Variants in COL4A5 observed in about 807,000 individuals in gnomAD.
COL4A5 encodes collagen type IV alpha 5 chain.
COL4A5 carries 26 observed loss-of-function variants against 130.2 expected under a neutral mutation model. The observed-to-expected ratio is 0.20, with a 90% CI of 0.15 to 0.28. The LOEUF is 0.28. COL4A5 is among the 10% of genes least tolerant of loss of function. COL4A5 has a pLI of 1.00. For missense variants in COL4A5, 1,131 were observed against 1,344.3 expected (o/e 0.84, Z 2.48); for synonymous variants, 496 against 439.6 (o/e 1.13, Z -1.60).
intron 29 of COL4A5, among the ~76,000 whole-genome samples, chrX:108,607,734 G>A (rs923129081): frequency 1.8e-5 from 2 of 110,933 alleles, no homozygotes; most frequent in African/African-American, 6.6e-5. Context: ...CGCCCGCCTC[G>A]GCCTCTCAAA....
In COL4A5 at chrX:108,440,099, T is replaced by TGAAGGAGCTGCGGGAGCC. The variant is rs752443408; in HGVS notation, c.-25_-8dup. The TGAAGGAGCTGCGGGAGCC allele has an allele frequency of 1.2e-4, 145 of 1,171,627 alleles. No individual in the cohort carries two copies. In the African/African-American group the frequency reaches 2.4e-3, roughly 20 times the overall value. Reference sequence around the variant, plus strand: ...CCAGCCGGGAATTTCGTGCGGGTGCTGAAGGAGCTGCGGGAGCCGGAGAAG... The same window carrying TGAAGGAGCTGCGGGAGCC: ...CCAGCCGGGAATTTCGTGCGGGTGCTGAAGGAGCTGCGGGAGCCGAAGGAGCTGCGGGAGCCGGAGAAG... On this transcript the variant is annotated 5_prime_UTR_variant, in exon 1 of 53. Transcript: ENST00000328300.
Position 108,687,618 on chromosome X carries a change from G to A in COL4A5, c.4452G>A (p.Gln1484=). 8.3e-7 allele frequency: 1 copy of A among 1,211,646 alleles called. No homozygotes were observed. The highest frequency in any genetic ancestry group is 1.1e-6 in the Non-Finnish European group (1 of 895,447). ...SQTTDAPQCP[Q]GTLQVYEGFS... ...CAACGGATGCACCACAATGCCCACA[G>A]GGAACACTTCAGGTCTATGAAGGCT... is the stretch of plus-strand genomic sequence containing the variant. Residue 1484 remains glutamine, a synonymous_variant, in exon 49 of 53, where the codon CAG becomes CAA. Transcript: ENST00000328300.
chrX:108,531,941 A>G (rs1243777321), intron 1 of COL4A5, among the ~76,000 whole-genome samples: 1 of 111,706 alleles, frequency 9.0e-6, no homozygotes, highest in Admixed American at 9.5e-5. Flanking sequence ...TGAATCAGTA[A>G]TAAAAATTCT....
At chrX:108,469,101 T>A (rs1465773635) in intron 1 of COL4A5, among the ~76,000 whole-genome samples, 5 of 109,600 alleles carry the variant, frequency 4.6e-5, no homozygotes, top group Admixed American at 9.8e-5. Flanking sequence ...TCTAGAAATT[T>A]GCCCATTTCA....
intron 47 of COL4A5, among the ~76,000 whole-genome samples, chrX:108,685,069 ACT>A (rs780957597): frequency 6.3e-5 from 7 of 111,599 alleles, no homozygotes; most frequent in Non-Finnish European, 1.1e-4. Context: ...CATGCTAAAA[ACT>A]CTCAATAAAG....
chrX:108,539,354 G>T lies in COL4A5; in HGVS notation c.82-392G>T, dbSNP rs770512824. Reference sequence around the variant, plus strand: ...TAACCCCAAATGGCTGTTAATGTAAGAATAATTAACTTTGAAATGTATGTC... The same window carrying T: ...TAACCCCAAATGGCTGTTAATGTAATAATAATTAACTTTGAAATGTATGTC... On this transcript the variant is annotated intron_variant, in intron 1 of 52. Transcript: ENST00000328300. Among the ~76,000 whole-genome samples the T allele has an allele frequency of 4.2e-4, 47 of 111,975 alleles. No individual in the cohort carries two copies. In the South Asian group the frequency reaches 6.3e-3, roughly 15 times the overall value.
intron 44 of COL4A5, among the ~76,000 whole-genome samples, chrX:108,679,335 TC>T (rs772809916): frequency 8.9e-6 from 1 of 111,901 alleles, no homozygotes; most frequent in Non-Finnish European, 1.9e-5. Context: ...TGATGTTGTT[TC>T]AACTCTAGCA....
rs986411854 is a variant in COL4A5, at chrX:108,600,841, A to G, written c.1949-552A>G. Among the ~76,000 whole-genome samples the G allele has an allele frequency of 7.2e-5, 8 of 111,649 alleles. 1 individual carries two copies. Among genetic ancestry groups the G allele is most frequent in the Admixed American group, 4.8e-4 (5 of 10,487 alleles). On this transcript the variant is annotated intron_variant, in intron 25 of 52. Coordinates refer to ENST00000328300, the MANE Select transcript of COL4A5 (RefSeq NM_033380.3). Reference sequence around the variant, plus strand: ...CTGAGAACCTGAGTGGCTGCTTAGTACAAGTCCCAGAGTCTGAAAGCCAGA... The same window carrying G: ...CTGAGAACCTGAGTGGCTGCTTAGTGCAAGTCCCAGAGTCTGAAAGCCAGA...
intron 30 of COL4A5, among the ~76,000 whole-genome samples, chrX:108,618,078 C>T (rs1223131594): frequency 9.0e-6 from 1 of 111,198 alleles, no homozygotes; most frequent in East Asian, 2.8e-4. Context: ...TGGTTCCATT[C>T]GGCTGCCAAT....
At chrX:108,661,109 C>G (rs1221524182) in intron 37 of COL4A5, among the ~76,000 whole-genome samples, 2 of 111,968 alleles carry the variant, frequency 1.8e-5, no homozygotes, top group Non-Finnish European at 3.8e-5. Flanking sequence ...ATAGGCCATA[C>G]CATCTAAGTT....
chrX:108,550,422 T>G (rs2065734261), intron 2 of COL4A5, among the ~76,000 whole-genome samples: 1 of 111,901 alleles, frequency 8.9e-6, no homozygotes, highest in African/African-American at 3.2e-5. Context: ...AAAACAAAAT[T>G]TAGAGCATAA....
At chrX:108,677,477 G>A (rs770995308) in intron 43 of COL4A5, 23 bp from the exon 44 acceptor site, 35 of 1,199,351 alleles carry the variant, frequency 2.9e-5, no homozygotes, top group South Asian at 1.4e-4. Context: ...CTGAAATGTC[G>A]TCATTTGCTG....
intron 1 of COL4A5, among the ~76,000 whole-genome samples, chrX:108,502,245 G>T (rs1217973516): frequency 9.1e-6 from 1 of 109,539 alleles, no homozygotes. Context: ...CATCAGGTAT[G>T]CTGGAAGGTA....
At chrX:108,669,292 T>C (rs1288077501) in intron 41 of COL4A5, among the ~76,000 whole-genome samples, 1 of 112,518 alleles carries the variant, frequency 8.9e-6, no homozygotes, top group Non-Finnish European at 1.9e-5. Context: ...ATATTTCTGG[T>C]CACTGAAAAC....
chrX:108,605,847 T>C (rs757821404), intron 28 of COL4A5, among the ~76,000 whole-genome samples: 2 of 111,988 alleles, frequency 1.8e-5, no homozygotes, highest in South Asian at 7.5e-4. Context: ...CTGTCCCAAT[T>C]CCATTACAGA....
chrX:108,493,321 A>C (rs1391524855), intron 1 of COL4A5, among the ~76,000 whole-genome samples: 1 of 111,780 alleles, frequency 8.9e-6, no homozygotes, highest in Non-Finnish European at 1.9e-5. Flanking sequence ...TGGTCCATGC[A>C]TATGAAGCGA....
rs1168513941 is a variant in COL4A5, at chrX:108,626,285, A to G, written c.3182A>G (p.Gln1061Arg). 8.3e-7 allele frequency: 1 copy of G among 1,210,983 alleles called. No individual in the cohort carries two copies. The highest frequency in any genetic ancestry group is 3.0e-5 in the East Asian group (1 of 33,792). Residue 1061 changes from glutamine (Q) to arginine (R), a missense_variant, in exon 36 of 53, where the codon CAG (glutamine) becomes CGG (arginine). Coordinates refer to ENST00000328300, the MANE Select transcript of COL4A5 (RefSeq NM_033380.3). ...CCTGGCTCCCCAGGATTACCTGGACAGAAAGGCGACAAAGGTGATCCTGGT... is the reference window on the plus strand; with the variant it reads ...CCTGGCTCCCCAGGATTACCTGGACGGAAAGGCGACAAAGGTGATCCTGGT... ...GQPGSPGLPG[Q>R]KGDKGDPGIS...
At chrX:108,551,573 T>C (rs1416653168) in intron 2 of COL4A5, among the ~76,000 whole-genome samples, 2 of 112,286 alleles carry the variant, frequency 1.8e-5, no homozygotes, top group Admixed American at 9.5e-5. Flanking sequence ...ATTGTTGGTG[T>C]AAATTTAAAT....
chrX:108,569,998 G>A, intron 6 of COL4A5, among the ~76,000 whole-genome samples: 1 of 111,233 alleles, frequency 9.0e-6, no homozygotes, highest in Middle Eastern at 4.6e-3. Context: ...CTAACTAATG[G>A]CATATGTCAG....
Sources: allele counts gnomAD v4.1 joint callset (sites outside exome capture counted in the v4.1 genomes callset), GRCh38; gene constraint gnomAD v4.1.1; transcripts MANE v1.5; gene names NCBI Gene and HGNC (gene_info 2026-07-23, HGNC 2026-07-21).